The following NCOA2 variants were observed in gnomAD, a reference collection of about 807,000 sequenced individuals.
The protein encoded by NCOA2 is class E basic helix-loop-helix protein 75.
A neutral mutation model predicts 145.1 loss-of-function variants in NCOA2; 21 were observed. That is an observed-to-expected ratio of 0.14 (90% CI 0.10 to 0.21). NCOA2 has a LOEUF of 0.21. Among genes scored for constraint, NCOA2 ranks in the 10% least tolerant of loss-of-function variants. The pLI, the probability that NCOA2 is intolerant of heterozygous loss-of-function variation, is 1.00. For missense variants in NCOA2, 1,472 were observed against 1,837.6 expected (o/e 0.80, Z 3.64); for synonymous variants, 619 against 637.5 (o/e 0.97, Z 0.44).
At chr8:70,315,826 G>C (rs1306621888) in intron 1 of NCOA2, among the ~76,000 whole-genome samples, 1 of 152,170 alleles carries the variant, frequency 6.6e-6, no homozygotes, top group Non-Finnish European at 1.5e-5. Context: ...TTTCAAACAG[G>C]CCACACGGCT....
intron 1 of NCOA2, among the ~76,000 whole-genome samples, chr8:70,350,977 G>A (rs1469088347): frequency 1.3e-5 from 2 of 152,230 alleles, no homozygotes; most frequent in Non-Finnish European, 2.9e-5. Flanking sequence ...GGCAACTGAT[G>A]ATGGCCTCTG....
intron 4 of NCOA2, among the ~76,000 whole-genome samples, chr8:70,212,439 T>G (rs906333158): frequency 6.6e-6 from 1 of 152,116 alleles, no homozygotes; most frequent in Non-Finnish European, 1.5e-5. Context: ...AGAAACCCAC[T>G]GGATGTTAAA....
At chr8:70,354,214 T>C (rs1809485703) in intron 1 of NCOA2, among the ~76,000 whole-genome samples, 1 of 152,210 alleles carries the variant, frequency 6.6e-6, no homozygotes, top group Non-Finnish European at 1.5e-5. Context: ...ACTGTTTTTA[T>C]AAAAGTGATT....
chr8:70,450,120 C>T, the NCOA2 span, among the ~76,000 whole-genome samples: 2 of 152,200 alleles, frequency 1.3e-5, no homozygotes, highest in Non-Finnish European at 2.9e-5. Flanking sequence ...TTCGTTCCTT[C>T]TCTCAGCATA....
At chr8:70,247,626 A>G (rs1467461178) in intron 2 of NCOA2, among the ~76,000 whole-genome samples, 1 of 152,200 alleles carries the variant, frequency 6.6e-6, no homozygotes, top group African/African-American at 2.4e-5. Context: ...CGTCTACCCA[A>G]ATGTGTTCTT....
At chr8:70,195,722 T>C (rs1233964000) in intron 4 of NCOA2, among the ~76,000 whole-genome samples, 1 of 152,216 alleles carries the variant, frequency 6.6e-6, no homozygotes, top group Non-Finnish European at 1.5e-5. Context: ...GGAATCACTG[T>C]TTCATCTGAT....
intron 22 of NCOA2, among the ~76,000 whole-genome samples, chr8:70,119,825 G>A (rs1201116943): frequency 6.6e-6 from 1 of 151,486 alleles, no homozygotes. Context: ...TATAACTGCT[G>A]GCCACCTGTA....
At chr8:70,452,033 G>T in the NCOA2 span, among the ~76,000 whole-genome samples, 1 of 152,112 alleles carries the variant, frequency 6.6e-6, no homozygotes, top group African/African-American at 2.4e-5. Context: ...GGAATGCAGT[G>T]TCACCATCAC....
chr8:70,247,022 C>G (rs184179501), intron 2 of NCOA2, among the ~76,000 whole-genome samples: 1 of 152,236 alleles, frequency 6.6e-6, no homozygotes, highest in African/African-American at 2.4e-5. Context: ...AAAAAATTCT[C>G]TAAGTTCTCA....
intron 2 of NCOA2, among the ~76,000 whole-genome samples, chr8:70,270,219 A>G (rs981812704): frequency 4.6e-5 from 7 of 152,116 alleles, no homozygotes; most frequent in Non-Finnish European, 1.0e-4. Context: ...GAAAAAAGAA[A>G]AGAGAACATT....
chr8:70,377,118 T>C (rs1811754151), intron 1 of NCOA2, among the ~76,000 whole-genome samples: 4 of 152,102 alleles, frequency 2.6e-5, no homozygotes, highest in African/African-American at 7.2e-5. Flanking sequence ...ACAAAAGTGC[T>C]TTATGTATTT....
chr8:70,448,812 T>C, the NCOA2 span, among the ~76,000 whole-genome samples: 2 of 152,022 alleles, frequency 1.3e-5, no homozygotes, highest in African/African-American at 4.8e-5. Flanking sequence ...TGGCTTTTTT[T>C]TTTTTTTTAA....
chr8:70,222,761 A>G (rs771233530), intron 2 of NCOA2, among the ~76,000 whole-genome samples: 31 of 152,200 alleles, frequency 2.0e-4, no homozygotes, highest in Admixed American at 2.0e-3. Flanking sequence ...CAACATATCC[A>G]TCATCTGCAT....
chr8:70,126,625 G>A, intron 19 of NCOA2, 188 bp downstream of exon 19: 1 of 602,486 alleles, frequency 1.7e-6, no homozygotes, highest in South Asian at 2.0e-5. Context: ...GAGCCTGGAA[G>A]GTACTGTGCT....
chr8:70,296,240 C>T (rs1563734640), intron 2 of NCOA2, among the ~76,000 whole-genome samples: 2 of 152,086 alleles, frequency 1.3e-5, no homozygotes, highest in Non-Finnish European at 2.9e-5. Flanking sequence ...CTGTGTGATA[C>T]GGAGTGCTTG....
chr8:70,372,313 A>G (rs763992146), intron 1 of NCOA2, among the ~76,000 whole-genome samples: 103 of 152,350 alleles, frequency 6.8e-4, no homozygotes, highest in East Asian at 5.8e-4. Flanking sequence ...TTACTGGAGA[A>G]GAGGGAAAAG....
Position 70,332,831 on chromosome 8 carries a change from T to C in NCOA2, c.-76-36031A>G, listed in dbSNP as rs181182358. On this transcript the variant is annotated intron_variant, in intron 1 of 22. Transcript: ENST00000452400. The stretch of plus-strand genomic sequence containing the variant: ...ATGCTTTACGAAAGCTGGGATGTGG[T>C]TGCTTAATACAGAGAAGAATAAAGC... Among the ~76,000 whole-genome samples the C allele has an allele frequency of 8.7e-4, 133 of 152,306 alleles. 2 individuals carry two copies. The highest frequency in any genetic ancestry group is 7.6e-4 in the Non-Finnish European group (52 of 68,030).
chr8:70,129,022 T>C (rs1808774073), intron 16 of NCOA2, 42 bp from the exon 17 acceptor site: 1 of 1,540,510 alleles, frequency 6.5e-7, no homozygotes, highest in South Asian at 1.2e-5. Flanking sequence ...AATTAAACCA[T>C]AAAAACAGCA....
intron 13 of NCOA2, among the ~76,000 whole-genome samples, chr8:70,142,660 C>T (rs550269337): frequency 6.6e-6 from 1 of 152,276 alleles, no homozygotes; most frequent in African/African-American, 2.4e-5. Context: ...GATTGAGCCA[C>T]TGCACTCCAG....
Sources: allele counts gnomAD v4.1 joint callset (sites outside exome capture counted in the v4.1 genomes callset), GRCh38; gene constraint gnomAD v4.1.1; transcripts MANE v1.5; gene names NCBI Gene and HGNC (gene_info 2026-07-23, HGNC 2026-07-21).